Variants in IGDCC4 observed in about 807,000 individuals in gnomAD.
IGDCC4 encodes the protein immunoglobulin superfamily DCC subclass member 4.
A neutral mutation model predicts 116.6 loss-of-function variants in IGDCC4; 72 were observed. That is an observed-to-expected ratio of 0.62 (90% CI 0.51 to 0.75). The LOEUF (loss-of-function observed/expected upper bound fraction) is 0.75, where lower values mean the gene tolerates loss of function less well. Among genes scored for constraint, IGDCC4 ranks in the 30% least tolerant of loss-of-function variants. The pLI is 0.00. For missense variants in IGDCC4, 1,501 were observed against 1,662.4 expected, an observed-to-expected ratio of 0.90 and a Z score of 1.69; for synonymous variants, 709 against 719.9, an observed-to-expected ratio of 0.98 and a Z score of 0.24.
chr15:65,389,987 A>T (rs1215079745), intron 13 of IGDCC4, among the ~76,000 whole-genome samples, 168 bp downstream of exon 13: 1 of 152,166 alleles, frequency 6.6e-6, no homozygotes, highest in African/African-American at 2.4e-5. Flanking sequence ...GCAGGCAAGG[A>T]CGTGGACCCT....
At chr15:65,387,085 G>A (rs941399311) in intron 16 of IGDCC4, among the ~76,000 whole-genome samples, 1 of 152,104 alleles carries the variant, frequency 6.6e-6, no homozygotes, top group African/African-American at 2.4e-5. Flanking sequence ...GGAGTGCAGT[G>A]GCATGAACAC....
At chr15:65,416,282 C>A (rs948535393) in intron 1 of IGDCC4, among the ~76,000 whole-genome samples, 3 of 151,516 alleles carry the variant, frequency 2.0e-5, no homozygotes, top group African/African-American at 7.3e-5. Flanking sequence ...GGACTGCAGG[C>A]GCCCGCCACC....
At chr15:65,416,223 C>T (rs576488776) in intron 1 of IGDCC4, among the ~76,000 whole-genome samples, 2 of 148,490 alleles carry the variant, frequency 1.3e-5, no homozygotes, top group South Asian at 2.1e-4. Flanking sequence ...CTGCAAGCTC[C>T]GCCTCCCGGG....
chr15:65,422,863 G>A lies in IGDCC4; in HGVS notation c.-1C>T, dbSNP rs2063207382. ...CGCGGCCGGCGTCCCCCCGCGCCAT[G>A]GGGCTGGGCTCGGGCCGCCGCCGCC... On this transcript the variant is annotated 5_prime_UTR_variant, in exon 1 of 20. Coordinates refer to ENST00000352385, the MANE Select transcript of IGDCC4 (RefSeq NM_020962.3). The A allele has an allele frequency of 3.5e-6, 4 of 1,155,002 alleles. No homozygotes were observed. The highest frequency in any genetic ancestry group is 4.3e-6 in the Non-Finnish European group (4 of 937,728). The allele number at this position is 1,155,002 out of a possible 1,614,324, so 71.5% of individuals were successfully genotyped here. A position where few individuals can be genotyped will look rare whatever the true frequency, so the allele number is the denominator to read the frequency against.
rs558125415 is a variant in IGDCC4, at chr15:65,393,177, G to C, written c.1885+184C>G. Among the ~76,000 whole-genome samples, 21 of 152,164 alleles carry C rather than the reference G, an allele frequency of 1.4e-4. No homozygotes were observed. Among genetic ancestry groups the C allele is most frequent in the African/African-American group, 5.1e-4 (21 of 41,510 alleles). On this transcript the variant is annotated intron_variant, in intron 10 of 19. Transcript: ENST00000352385. The surrounding 1 kb of genome is among the most constrained non-coding windows in gnomAD (Gnocchi z 4.6). ...TTTGTCCAAGGTCACACAGCAAATC[G>C]AAGGGACACCAGATCCCAGCCCTTC...
Position 65,387,449 on chromosome 15 carries a change from C to T in IGDCC4, c.2846-793G>A, listed in dbSNP as rs563716724. On this transcript the variant is annotated intron_variant, in intron 16 of 19. Transcript: ENST00000352385. ...CTGCAAGCTCCTCCTCCCGGGTTCA[C>T]GCCATTCTCCTGCCTCAGCCTCCTG... is the stretch of plus-strand genomic sequence containing the variant. Among the ~76,000 whole-genome samples, 23 of 152,138 alleles carry T rather than the reference C, an allele frequency of 1.5e-4. No individual in the cohort carries two copies. In the East Asian group the frequency reaches 3.3e-3, roughly 22 times the overall value.
intron 5 of IGDCC4, 61 bp from the exon 6 acceptor site, chr15:65,397,050 T>G: frequency 6.5e-7 from 1 of 1,538,720 alleles, no homozygotes; most frequent in Non-Finnish European, 8.8e-7. Flanking sequence ...CCCTTCAGTC[T>G]CCGAACCTCA....
rs1295232873 is a variant in IGDCC4, at chr15:65,396,103, C to A, written c.1058G>T (p.Arg353Leu). The A allele has an allele frequency of 5.0e-6, 7 of 1,400,964 alleles. No homozygotes were observed. The highest frequency in any genetic ancestry group is 6.4e-6 in the Non-Finnish European group (7 of 1,085,574). 86.8% of individuals were successfully genotyped at this position (1,400,964 alleles called of 1,614,324 possible). A position where few individuals can be genotyped will look rare whatever the true frequency, so the allele number is the denominator to read the frequency against. ...CTCCCCCGACGCGCGGCACACGAAG[C>A]GCGCTGTGCTCGCCCGCGTCCGCGA... ...ALSRTRASTA[R>L]FVCRASGEPR... The change falls in exon 7 of 20, where the codon CGC becomes CTC. Residue 353 changes from arginine to leucine, a missense_variant. Physicochemically the swap from Arg to Leu is moderately radical, Grantham distance 102. Transcript: ENST00000352385.
rs554098014 is a variant in IGDCC4, at chr15:65,407,916, G to A, written c.563+2262C>T. 3.8e-3 allele frequency among the ~76,000 whole-genome samples: 582 copies of A among 152,018 alleles called. 4 individuals carry two copies. The highest frequency in any genetic ancestry group is 0.013 in the African/African-American group (549 of 41,426). On this transcript the variant is annotated intron_variant, in intron 3 of 19. Transcript: ENST00000352385. The stretch of plus-strand genomic sequence containing the variant: ...CCCAAAGTGCTGGGATTACAGGCGT[G>A]AGCCACCGCGCCCGGCCTAAGTTTT...
chr15:65,386,702 G>T, intron 16 of IGDCC4, 46 bp from the exon 17 acceptor site: 1 of 1,457,506 alleles, frequency 6.9e-7, no homozygotes, highest in East Asian at 2.3e-5. Context: ...ACAGAGGAAG[G>T]GCACAGGGCA....
chr15:65,388,711 A>G (rs1344548750), intron 15 of IGDCC4, 97 bp downstream of exon 15: 4 of 1,595,144 alleles, frequency 2.5e-6, no homozygotes, highest in African/African-American at 1.3e-5. Context: ...TGCTTCTCCC[A>G]GTAGCCCCTG....
intron 7 of IGDCC4, among the ~76,000 whole-genome samples, chr15:65,395,520 C>T (rs1161733715): frequency 6.6e-6 from 1 of 152,178 alleles, no homozygotes; most frequent in Non-Finnish European, 1.5e-5. Flanking sequence ...GGAACGTCCT[C>T]TCCCTCCTCT....
At chr15:65,398,049 G>A (rs1375489881) in intron 5 of IGDCC4, among the ~76,000 whole-genome samples, 1 of 152,212 alleles carries the variant, frequency 6.6e-6, no homozygotes. Flanking sequence ...ATGAAAATAG[G>A]ACTTGGAACT....
intron 2 of IGDCC4, 154 bp downstream of exon 2, chr15:65,410,866 C>T: frequency 1.6e-6 from 1 of 616,616 alleles, no homozygotes; most frequent in Non-Finnish European, 2.8e-6. Flanking sequence ...ATAGACAATA[C>T]CAGGAAGAGA....
At chr15:65,408,880 C>T (rs1237507105) in intron 3 of IGDCC4, among the ~76,000 whole-genome samples, 1 of 147,368 alleles carries the variant, frequency 6.8e-6, no homozygotes, top group Non-Finnish European at 1.5e-5. Flanking sequence ...CGGTGTGTCA[C>T]CCAGGCTGGC....
In IGDCC4 at chr15:65,400,789, C is replaced by G; in HGVS notation, c.841+17G>C. 1 of 1,576,880 alleles carries G rather than the reference C, an allele frequency of 6.3e-7. No individual in the cohort carries two copies. The highest frequency in any genetic ancestry group is 8.6e-7 in the Non-Finnish European group (1 of 1,159,358). ...CCTCCCTTCCCATGCCCTCCTTCTC[C>G]CACCCCCTCCACTCACCTTGTCGGA... On this transcript the variant is annotated intron_variant, in intron 5 of 19. Coordinates refer to ENST00000352385, the MANE Select transcript of IGDCC4 (RefSeq NM_020962.3).
At chr15:65,418,555 G>A (rs1371028581) in intron 1 of IGDCC4, among the ~76,000 whole-genome samples, 1 of 152,194 alleles carries the variant, frequency 6.6e-6, no homozygotes, top group Non-Finnish European at 1.5e-5. Context: ...AGCCTCAGCA[G>A]TGAGGCAGTA....
chr15:65,396,344 C>A (rs745497784), intron 6 of IGDCC4, 181 bp from the exon 7 acceptor site: 1 of 731,638 alleles, frequency 1.4e-6, no homozygotes, highest in South Asian at 1.5e-5. Context: ...CCTTTCTTCT[C>A]CCCATTTACC....
Position 65,385,249 on chromosome 15 carries a change from C to T in IGDCC4, c.3181-134G>A. On this transcript the variant is annotated intron_variant, in intron 18 of 19. Coordinates refer to ENST00000352385, the MANE Select transcript of IGDCC4 (RefSeq NM_020962.3). ...TGTCACCCGCTGCTCTCTCCCTCTC[C>T]AAGGCTCTGGGGAGGAGCATCGAAA... 4.2e-6 allele frequency: 4 copies of T among 948,232 alleles called. No individual in the cohort carries two copies. In the South Asian group the frequency reaches 6.9e-5, roughly 16 times the overall value. 58.7% of individuals were successfully genotyped at this position (948,232 alleles called of 1,614,324 possible).
Sources: gnomAD v4.1 joint callset for allele counts (sites outside exome capture counted in the v4.1 genomes callset) on GRCh38, gnomAD v4.1.1 for gene constraint, Gnocchi (gnomAD v3.1) non-coding constraint, MANE v1.5 for transcripts, NCBI Gene and HGNC (gene_info 2026-07-23, HGNC 2026-07-21) for gene names.